The following ACAA2 variants were observed in gnomAD, a reference collection of about 807,000 sequenced individuals.
ACAA2 encodes the protein acetyl-CoA acyltransferase 2, also known as 3-ketoacyl-CoA thiolase, mitochondrial.
ACAA2 carries 35 observed loss-of-function variants against 44.8 expected under a neutral mutation model. The ratio of observed to expected loss-of-function variants is 0.78; its 90% confidence interval spans 0.60 to 1.04. The LOEUF is 1.04. Ranked by LOEUF, ACAA2 falls within the 50% of genes least tolerant of loss-of-function variation. The pLI is 0.00. For missense variants in ACAA2, 468 were observed against 482.6 expected (o/e 0.97, Z 0.28); for synonymous variants, 142 against 166.5 (o/e 0.85, Z 1.13).
Position 49,805,001 on chromosome 18 carries a change from C to T in ACAA2, c.17-2148G>A, listed in dbSNP as rs139661339. Among the ~76,000 whole-genome samples, 510 of 152,304 alleles carry T rather than the reference C, an allele frequency of 3.3e-3. 1 individual carries two copies. Among genetic ancestry groups the T allele is most frequent in the Non-Finnish European group, 5.7e-3 (391 of 68,032 alleles). On this transcript the variant is annotated intron_variant, in intron 1 of 9. Coordinates refer to ENST00000285093, the MANE Select transcript of ACAA2 (RefSeq NM_006111.3). The stretch of plus-strand genomic sequence containing the variant: ...CACTTTCCACACAAAAGCTAATCTT[C>T]CCAGCAACTCTGCAAGGTAAATATT...
intron 8 of ACAA2, chr18:49,786,591 T>C (rs1270274391): frequency 6.6e-6 from 1 of 151,892 alleles, no homozygotes; most frequent in Non-Finnish European, 1.5e-5. Context: ...TCAAGTTAAA[T>C]AGATTTCCTT....
chr18:49,813,249 C>A (rs935973344), intron 1 of ACAA2, among the ~76,000 whole-genome samples: 3 of 152,258 alleles, frequency 2.0e-5, no homozygotes, highest in Non-Finnish European at 4.4e-5. Context: ...CAGGAAATTG[C>A]ACCGAAATCG....
At chr18:49,803,107 TCTC>T (rs989907326) in intron 1 of ACAA2, among the ~76,000 whole-genome samples, 3 of 151,358 alleles carry the variant, frequency 2.0e-5, no homozygotes, top group Non-Finnish European at 4.4e-5. Flanking sequence ...GACCACCACT[TCTC>T]CTGCGCACCC....
chr18:49,800,053 G>T lies in ACAA2; in HGVS notation c.184-2459C>A, dbSNP rs567083348. 5.1e-3 allele frequency among the ~76,000 whole-genome samples: 769 copies of T among 151,384 alleles called. 2 individuals are homozygous for T. Among genetic ancestry groups the T allele is most frequent in the Non-Finnish European group, 8.3e-3 (564 of 67,758 alleles). ...TGTCTGGGAAGTGAGGAGCGTCTCC[G>T]CCCGGCAACCACGCCATCCGGGAGG... On this transcript the variant is annotated intron_variant, in intron 2 of 9. Coordinates refer to ENST00000285093, the MANE Select transcript of ACAA2 (RefSeq NM_006111.3).
intron 2 of ACAA2, among the ~76,000 whole-genome samples, chr18:49,800,822 T>C (rs1009089483): frequency 7.8e-6 from 1 of 127,420 alleles, no homozygotes. Context: ...GTTTGTCTGC[T>C]GACCTTCCCT....
intron 2 of ACAA2, among the ~76,000 whole-genome samples, chr18:49,799,528 C>T (rs1458222787): frequency 6.6e-6 from 1 of 152,200 alleles, no homozygotes; most frequent in African/African-American, 2.4e-5. Context: ...TCAATAGTGC[C>T]CAGGCTGGAG....
chr18:49,795,811 CAGT>C lies in ACAA2; in HGVS notation c.380_382del (p.Tyr127del), dbSNP rs2023458240. On this transcript the variant is annotated inframe_deletion, in exon 4 of 10. Transcript: ENST00000285093. ...GGTTCCAAAACGCACATTTCTGACA[CAGT>C]AGGGAGCTTGGCTCATGCTTTCGGT... 2.5e-6 allele frequency: 4 copies of C among 1,611,686 alleles called. No homozygotes were observed. Among genetic ancestry groups the C allele is most frequent in the Non-Finnish European group, 3.4e-6 (4 of 1,178,928 alleles).
chr18:49,800,142 CCGGCCGG>C (rs2023523886), intron 2 of ACAA2, among the ~76,000 whole-genome samples: 5 of 32,336 alleles, frequency 1.5e-4, no homozygotes, highest in African/African-American at 5.7e-4. Flanking sequence ...GGGTCAGCCC[CCGGCCGG>C]CCAGCCACCC....
At chr18:49,793,822 T>C (rs2023433863) in intron 5 of ACAA2, among the ~76,000 whole-genome samples, 1 of 152,198 alleles carries the variant, frequency 6.6e-6, no homozygotes, top group South Asian at 2.1e-4. Context: ...GGTACAATGA[T>C]TCTTAATTAG....
chr18:49,784,343 A>AT (rs2023302016), intron 9 of ACAA2, among the ~76,000 whole-genome samples: 1 of 152,196 alleles, frequency 6.6e-6, no homozygotes, highest in African/African-American at 2.4e-5. Context: ...TTTGATTTAT[A>AT]TAGTGTGAGA....
intron 1 of ACAA2, among the ~76,000 whole-genome samples, chr18:49,807,171 G>T (rs2023618011): frequency 6.6e-6 from 1 of 152,184 alleles, no homozygotes; most frequent in South Asian, 2.1e-4. Flanking sequence ...GAGGTGGGAG[G>T]ACTGTGTCAG....
chr18:49,806,167 T>A (rs2023608525), intron 1 of ACAA2, among the ~76,000 whole-genome samples: 4 of 152,172 alleles, frequency 2.6e-5, no homozygotes, highest in Non-Finnish European at 4.4e-5. Context: ...ACTTGAAGAC[T>A]AACAGTCCAT....
At position 49,808,464 on chromosome 18, in the gene ACAA2, G is replaced by A. The variant is rs1047707042; in HGVS notation, c.16+5005C>T. Among the ~76,000 whole-genome samples, 10 of 152,254 alleles carry A rather than the reference G, an allele frequency of 6.6e-5. No homozygotes were observed. The East Asian group carries it at 9.6e-4, about 15-fold the overall frequency. ...CCACGATGTCCTATCATGGGAACCC[G>A]CCCCCCAATATTTCAGTGTAGGTTC... On this transcript the variant is annotated intron_variant, in intron 1 of 9. Coordinates refer to ENST00000285093, the MANE Select transcript of ACAA2 (RefSeq NM_006111.3).
chr18:49,785,803 G>A (rs1355118844), intron 8 of ACAA2: 1 of 165,784 alleles, frequency 6.0e-6, no homozygotes, highest in Non-Finnish European at 1.3e-5. Flanking sequence ...TGAGTATTAA[G>A]TGTCCAGTGT....
At chr18:49,800,072 CG>C (rs2023521929) in intron 2 of ACAA2, among the ~76,000 whole-genome samples, 6 of 150,984 alleles carry the variant, frequency 4.0e-5, no homozygotes, top group Middle Eastern at 3.4e-3. Context: ...CCACGCCATC[CG>C]GGAGGGAGGT....
At chr18:49,798,672 A>T (rs1204275615) in intron 2 of ACAA2, among the ~76,000 whole-genome samples, 1 of 152,170 alleles carries the variant, frequency 6.6e-6, no homozygotes, top group Non-Finnish European at 1.5e-5. Flanking sequence ...CGGCACATTT[A>T]TAAGTTAAGG....
At position 49,791,583 on chromosome 18, in the gene ACAA2, G is replaced by A. The variant is rs1266455463; in HGVS notation, c.770C>T (p.Ala257Val). ...AGNASGVADG[A>V]GAVIIASEDA... is the part of the protein sequence containing the mutation. ...TTCACTAGCTATGATAACAGCTCCA[G>A]CACCATCAGCTACACCCTTGAAAAT... The change falls in exon 7 of 10, where the codon GCT (alanine) becomes GTT (valine). Residue 257 changes from alanine (A) to valine (V), a missense_variant. Transcript: ENST00000285093. The A allele has an allele frequency of 6.2e-7, 1 of 1,613,406 alleles. No individual in the cohort carries two copies. The highest frequency in any genetic ancestry group is 8.5e-7 in the Non-Finnish European group (1 of 1,179,778).
chr18:49,807,551 G>T (rs2023622256), intron 1 of ACAA2, among the ~76,000 whole-genome samples: 1 of 152,168 alleles, frequency 6.6e-6, no homozygotes, highest in South Asian at 2.1e-4. Context: ...AAAACTTCTG[G>T]CTGTGTGCAG....
In ACAA2 at chr18:49,802,845, C is replaced by T. The variant is rs777642958; in HGVS notation, c.25G>A (p.Val9Ile). 53 of 1,613,884 alleles carry T rather than the reference C, an allele frequency of 3.3e-5. No individual in the cohort carries two copies. Among genetic ancestry groups the T allele is most frequent in the Non-Finnish European group, 4.2e-5 (50 of 1,179,966 alleles). ...AAGGGCGTTCGCTTAGCAGCAACTA[C>T]AAACACACCTATTGCAACAAGAAGA... MALLRGVF[V>I]VAAKRTPFGA... Residue 9 changes from valine to isoleucine, a missense_variant, in exon 2 of 10, where the codon GTA (valine) becomes ATA (isoleucine). Coordinates refer to ENST00000285093, the MANE Select transcript of ACAA2 (RefSeq NM_006111.3).
Sources: allele counts gnomAD v4.1 joint callset (sites outside exome capture counted in the v4.1 genomes callset), GRCh38; gene constraint gnomAD v4.1.1; transcripts MANE v1.5; gene names NCBI Gene and HGNC (gene_info 2026-07-23, HGNC 2026-07-21).